Variants in UNC13B observed in about 807,000 individuals in gnomAD.
UNC13B encodes the protein unc-13 homolog B, also known as protein unc-13 homolog B.
UNC13B carries 144 observed loss-of-function variants against 211.0 expected under a neutral mutation model. The ratio of observed to expected loss-of-function variants is 0.68; its 90% CI spans 0.60 to 0.78. The LOEUF is 0.78. Ranked by LOEUF, UNC13B falls within the 30% of genes least tolerant of loss-of-function variation. UNC13B has a pLI of 0.00. For synonymous variants in UNC13B, 709 were observed against 725.8 expected (o/e 0.98, Z 0.37); for missense variants, 1,777 against 2,002.0 (o/e 0.89, Z 2.14).
chr9:35,328,083 C>G (rs1394071590), intron 11 of UNC13B, among the ~76,000 whole-genome samples: 2 of 152,086 alleles, frequency 1.3e-5, no homozygotes, highest in Non-Finnish European at 1.5e-5. Flanking sequence ...TGCAGTGGCT[C>G]GATCTCAGCT....
chr9:35,298,494 G>A (rs1829507072), intron 8 of UNC13B, among the ~76,000 whole-genome samples: 1 of 152,108 alleles, frequency 6.6e-6, no homozygotes, highest in Admixed American at 6.5e-5. Flanking sequence ...ACTGCTACAT[G>A]GTGAGTTTAG....
chr9:35,222,083 G>T (rs533888127), intron 1 of UNC13B, among the ~76,000 whole-genome samples: 14 of 152,164 alleles, frequency 9.2e-5, no homozygotes, highest in Admixed American at 8.5e-4. Flanking sequence ...TTGAGATCAG[G>T]TAGTATAATT....
chr9:35,303,655 T>C lies in UNC13B; in HGVS notation c.4251T>C (p.Asn1417=). The change falls in exon 9 of 40, where the codon AAT becomes AAC. Residue 1417 remains asparagine (N), a synonymous_variant. Coordinates refer to ENST00000635942, the MANE Select transcript of UNC13B (RefSeq NM_001371189.2). The part of the protein sequence containing the change: ...QNANILEWRT[N]PNSVIWCDLP... ...CAAACATCTTGGAGTGGAGAACAAA[T>C]CCAAACAGTGTCATTTGGTGTGACT... 2.5e-6 allele frequency: 1 copy of C among 398,746 alleles called. No homozygotes were observed. Among genetic ancestry groups the C allele is most frequent in the East Asian group, 3.6e-5 (1 of 28,062 alleles). The allele number at this position is 398,746 out of a possible 1,614,324, so 24.7% of individuals were successfully genotyped here.
At chr9:35,385,631 A>G (rs1835137957) in intron 22 of UNC13B, 93 bp from the exon 23 acceptor site, 1 of 1,466,514 alleles carries the variant, frequency 6.8e-7, no homozygotes, top group Non-Finnish European at 9.1e-7. Flanking sequence ...CCCAGTAGGT[A>G]ACAATTAGGG....
chr9:35,397,175 G>T lies in UNC13B; in HGVS notation c.11541G>T (p.Gln3847His). 1.2e-6 allele frequency: 2 copies of T among 1,614,146 alleles called. No homozygotes were observed. Among genetic ancestry groups the T allele is most frequent in the Non-Finnish European group, 1.7e-6 (2 of 1,180,026 alleles). The change falls in exon 29 of 40, where the codon CAG becomes CAT. Residue 3847 changes from glutamine (Q) to histidine (H), a missense_variant. Gln to His is a conservative substitution (Grantham distance 24, BLOSUM62 0). Transcript: ENST00000635942. Reference sequence around the variant, plus strand: ...TGTGTGGTCTTCCTTAGTTCCAGCAGACATCAGAGCATGCACTCTTTTCCT... The same window carrying T: ...TGTGTGGTCTTCCTTAGTTCCAGCATACATCAGAGCATGCACTCTTTTCCT... ...LERDKKDGFQ[Q>H]TSEHALFSCS... is the part of the protein sequence containing the mutation.
intron 1 of UNC13B, among the ~76,000 whole-genome samples, chr9:35,217,642 G>A (rs1327376954): frequency 6.6e-6 from 1 of 152,118 alleles, no homozygotes; most frequent in Non-Finnish European, 1.5e-5. Flanking sequence ...GCCCGCCTCG[G>A]CCTCCCAAAG....
chr9:35,236,329 C>T (rs988180719), intron 3 of UNC13B, 140 bp from the exon 4 acceptor site: 22 of 654,856 alleles, frequency 3.4e-5, no homozygotes, highest in Non-Finnish European at 5.2e-5. Flanking sequence ...TAAAAATGGT[C>T]GTGGCATTCT....
At chr9:35,364,279 A>G (rs540017879) in intron 11 of UNC13B, among the ~76,000 whole-genome samples, 2 of 130,700 alleles carry the variant, frequency 1.5e-5, no homozygotes, top group East Asian at 4.0e-4. Context: ...GGATGACTGG[A>G]ACCCCTGGGT....
intron 21 of UNC13B, 54 bp downstream of exon 21, chr9:35,382,561 G>C: frequency 7.4e-7 from 1 of 1,342,680 alleles, no homozygotes; most frequent in Non-Finnish European, 1.0e-6. Context: ...AATAAAGTTT[G>C]ATTTTTTTTT....
intron 26 of UNC13B, among the ~76,000 whole-genome samples, chr9:35,391,575 G>C (rs1320547717): frequency 6.6e-6 from 1 of 152,172 alleles, no homozygotes; most frequent in Non-Finnish European, 1.5e-5. Context: ...GCCAGCCACA[G>C]ACTACACGCA....
At chr9:35,189,254 C>A (rs1401667656) in intron 1 of UNC13B, among the ~76,000 whole-genome samples, 2 of 152,188 alleles carry the variant, frequency 1.3e-5, no homozygotes, top group Admixed American at 1.3e-4. Flanking sequence ...TAACTCTTAG[C>A]AACTTTTACT....
At chr9:35,223,881 T>C (rs1824695774) in intron 1 of UNC13B, among the ~76,000 whole-genome samples, 1 of 152,218 alleles carries the variant, frequency 6.6e-6, no homozygotes, top group African/African-American at 2.4e-5. Flanking sequence ...ATATTCAGTT[T>C]TCCCAACACC....
chr9:35,236,900 GTTCTC>G (rs1825545138), intron 4 of UNC13B, among the ~76,000 whole-genome samples: 1 of 152,138 alleles, frequency 6.6e-6, no homozygotes, highest in African/African-American at 2.4e-5. Flanking sequence ...TGGTTTCTGT[GTTCTC>G]TTCTAAGTCA....
At chr9:35,398,525 C>T in intron 31 of UNC13B, 29 bp from the exon 32 acceptor site, 1 of 1,610,234 alleles carries the variant, frequency 6.2e-7, no homozygotes, top group Non-Finnish European at 8.5e-7. Context: ...GAAAAGCAGC[C>T]TAGCCAGGCT....
intron 1 of UNC13B, among the ~76,000 whole-genome samples, chr9:35,178,351 A>C (rs941350572): frequency 1.3e-5 from 2 of 152,100 alleles, no homozygotes; most frequent in Non-Finnish European, 2.9e-5. Context: ...CTCTACAAAA[A>C]TTAGGCATGG....
intron 1 of UNC13B, among the ~76,000 whole-genome samples, chr9:35,200,274 C>A (rs1823204770): frequency 6.6e-6 from 1 of 152,166 alleles, no homozygotes; most frequent in Admixed American, 6.5e-5. Flanking sequence ...TAGCATGATG[C>A]CTCCAGCTTT....
At chr9:35,328,310 C>T (rs1831136640) in intron 11 of UNC13B, among the ~76,000 whole-genome samples, 1 of 152,186 alleles carries the variant, frequency 6.6e-6, no homozygotes, top group Non-Finnish European at 1.5e-5. Context: ...AGGCGTGAGC[C>T]ACCATGCCCA....
intron 1 of UNC13B, among the ~76,000 whole-genome samples, chr9:35,201,318 A>C (rs1308245792): frequency 3.9e-5 from 6 of 152,176 alleles, no homozygotes; most frequent in African/African-American, 4.8e-5. Flanking sequence ...TGTCTCTGCC[A>C]GGCTTTGGTA....
At chr9:35,232,246 T>C (rs555936140) in intron 3 of UNC13B, among the ~76,000 whole-genome samples, 1 of 140,892 alleles carries the variant, frequency 7.1e-6, no homozygotes, top group East Asian at 2.3e-4. Flanking sequence ...GGTGGTATGA[T>C]CATAGTTTAC....
Sources: allele counts gnomAD v4.1 joint callset (sites outside exome capture counted in the v4.1 genomes callset), GRCh38; gene constraint gnomAD v4.1.1; transcripts MANE v1.5; gene names NCBI Gene and HGNC (gene_info 2026-07-23, HGNC 2026-07-21).